STK32C: variants seen among roughly 807,000 people sequenced by gnomAD.
STK32C encodes the protein serine/threonine kinase 32C.
A neutral mutation model predicts 56.5 loss-of-function variants in STK32C; 31 were observed. That is an observed-to-expected ratio of 0.55 (90% CI 0.41 to 0.74). The LOEUF (loss-of-function observed/expected upper bound fraction) is 0.74, where lower values mean the gene tolerates loss of function less well. Among genes scored for constraint, STK32C ranks in the 30% least tolerant of loss-of-function variants. The probability of loss-of-function intolerance (pLI) is 0.00; values close to 1 mark genes in which losing one functional copy is unlikely to be tolerated. For missense variants in STK32C, 544 were observed against 676.9 expected, an observed-to-expected ratio of 0.80 and a Z score of 2.18; for synonymous variants, 309 against 289.4, an observed-to-expected ratio of 1.07 and a Z score of -0.69.
chr10:132,303,268 G>A (rs180743745), intron 1 of STK32C, among the ~76,000 whole-genome samples: 28 of 152,340 alleles, frequency 1.8e-4, no homozygotes, highest in Admixed American at 8.5e-4. Flanking sequence ...TCCGTCAAGC[G>A]ATACTCCCTA....
chr10:132,308,734 T>G (rs1438127727), upstream of STK32C, among the ~76,000 whole-genome samples: 2 of 152,164 alleles, frequency 1.3e-5, no homozygotes, highest in Non-Finnish European at 2.9e-5. Flanking sequence ...CAGGGTCCCC[T>G]TGTCCAGATG....
intron 2 of STK32C, among the ~76,000 whole-genome samples, chr10:132,238,228 A>C (rs2137842389): frequency 6.6e-6 from 1 of 152,300 alleles, no homozygotes; most frequent in Non-Finnish European, 1.5e-5. Context: ...CCCCACGGGA[A>C]GCTACACAGC....
chr10:132,260,885 C>A (rs1049061431), intron 1 of STK32C, among the ~76,000 whole-genome samples: 1 of 152,210 alleles, frequency 6.6e-6, no homozygotes, highest in Non-Finnish European at 1.5e-5. Context: ...GGACAGGCTG[C>A]GAGGTCAGCG....
At chr10:132,261,467 G>A (rs1294112398) in intron 1 of STK32C, among the ~76,000 whole-genome samples, 1 of 152,156 alleles carries the variant, frequency 6.6e-6, no homozygotes, top group Non-Finnish European at 1.5e-5. Flanking sequence ...ACAAAATACT[G>A]CGGATAGAAA....
intron 1 of STK32C, among the ~76,000 whole-genome samples, chr10:132,325,549 T>C (rs1325534440): frequency 7.1e-6 from 1 of 140,514 alleles, no homozygotes; most frequent in African/African-American, 2.5e-5. Flanking sequence ...CAAGAGTCCG[T>C]CTTAAAAAAA....
In STK32C at chr10:132,225,216, C is replaced by G. The variant is rs199811806; in HGVS notation, c.876+17G>C. 1,212 of 1,582,968 alleles carry G rather than the reference C, an allele frequency of 7.7e-4. 1 individual carries two copies. The highest frequency in any genetic ancestry group is 1.0e-3 in the Non-Finnish European group (1,179 of 1,162,580). ...GGGGCCTGGCAGCCAAGCCCAGGGG[C>G]TGCAGGGGGTCCATACCCATCCTCG... On this transcript the variant is annotated intron_variant, in intron 7 of 11. Transcript: ENST00000298630.
rs374529300 is a variant in STK32C at position 132,225,223 on chromosome 10, G to A, written c.876+10C>T. ...GGCAGCCAAGCCCAGGGGCTGCAGG[G>A]GGTCCATACCCATCCTCGCAGCAGC... is the stretch of plus-strand genomic sequence containing the variant. On this transcript the variant is annotated intron_variant, in intron 7 of 11. Transcript: ENST00000298630. The A allele has an allele frequency of 1.3e-5, 21 of 1,592,012 alleles. No individual in the cohort carries two copies. The African/African-American group carries it at 2.3e-4, about 17-fold the overall frequency.
chr10:132,231,881 G>A (rs1271717134), intron 2 of STK32C, among the ~76,000 whole-genome samples: 2 of 152,214 alleles, frequency 1.3e-5, no homozygotes, highest in Non-Finnish European at 2.9e-5. Context: ...AAGGCACAGC[G>A]GGTCCTCCCA....
intron 2 of STK32C, among the ~76,000 whole-genome samples, chr10:132,235,320 A>AC (rs2063241117): frequency 6.6e-6 from 1 of 151,698 alleles, no homozygotes; most frequent in East Asian, 1.9e-4. Flanking sequence ...ACATGGTAAA[A>AC]CCCCGTCTCT....
chr10:132,212,399 A>C (rs1270993906), intron 10 of STK32C, among the ~76,000 whole-genome samples: 1 of 152,214 alleles, frequency 6.6e-6, no homozygotes, highest in Non-Finnish European at 1.5e-5. Context: ...CCCTCACCTG[A>C]CATTGTTCAT....
chr10:132,232,509 C>G (rs925750459), intron 2 of STK32C, among the ~76,000 whole-genome samples: 5 of 152,104 alleles, frequency 3.3e-5, no homozygotes, highest in African/African-American at 1.2e-4. Context: ...TGGAAACCGG[C>G]GGCCTTTTAT....
chr10:132,304,807 G>A (rs1173839098), intron 1 of STK32C, among the ~76,000 whole-genome samples: 2 of 152,238 alleles, frequency 1.3e-5, no homozygotes, highest in Non-Finnish European at 2.9e-5. Flanking sequence ...CGGCGCCCAG[G>A]GCGGGCCGTC....
intron 1 of STK32C, among the ~76,000 whole-genome samples, chr10:132,313,440 C>T (rs569791127): frequency 6.6e-6 from 1 of 152,380 alleles, no homozygotes; most frequent in African/African-American, 2.4e-5. Context: ...GGCACTGCAG[C>T]AGACACTGCT....
chr10:132,326,571 C>G (rs1428070810), intron 1 of STK32C, among the ~76,000 whole-genome samples: 2 of 152,240 alleles, frequency 1.3e-5, no homozygotes, highest in Admixed American at 1.3e-4. Flanking sequence ...GATCTGCCTG[C>G]CTTGGCGTCC....
chr10:132,271,366 G>T (rs1195541159), intron 1 of STK32C, among the ~76,000 whole-genome samples: 1 of 152,232 alleles, frequency 6.6e-6, no homozygotes, highest in Non-Finnish European at 1.5e-5. Flanking sequence ...CCCAGGCAGA[G>T]AGCTGCAAGA....
rs67801075 is a variant in STK32C at position 132,276,785 on chromosome 10, CA to C, written c.262+30786del. Among the ~76,000 whole-genome samples, 184 of 142,892 alleles carry C rather than the reference CA, an allele frequency of 1.3e-3. 2 individuals are homozygous for C. Among genetic ancestry groups the C allele is most frequent in the African/African-American group, 2.9e-3 (111 of 38,594 alleles). The allele number at this position is 142,892 out of a possible 152,430, so 93.7% of individuals were successfully genotyped here. A position where few individuals can be genotyped will look rare whatever the true frequency, so the allele number is the denominator to read the frequency against. On this transcript the variant is annotated intron_variant, in intron 1 of 11. Coordinates refer to ENST00000298630, the MANE Select transcript of STK32C (RefSeq NM_173575.4). ...CTGGTGACAGAGCAAGACCCTGCCTCAAAAAAAAAAAAACCCAATGTATCTT... is the reference window on the plus strand; with the variant it reads ...CTGGTGACAGAGCAAGACCCTGCCTCAAAAAAAAAAAACCCAATGTATCTT...
At chr10:132,209,399 CT>C (rs1294300743) in intron 10 of STK32C, 1 of 629,908 alleles carries the variant, frequency 1.6e-6, no homozygotes. Context: ...CTCTGCGGGA[CT>C]TTGCTGGAAA....
intron 1 of STK32C, among the ~76,000 whole-genome samples, chr10:132,313,187 A>G (rs1304235956): frequency 1.3e-5 from 2 of 152,206 alleles, no homozygotes; most frequent in Non-Finnish European, 2.9e-5. Context: ...AGACCATAAG[A>G]CAAACGGAAT....
At chr10:132,209,216 C>T (rs113820490) in intron 10 of STK32C, 115 bp from the exon 11 acceptor site, 65 of 966,132 alleles carry the variant, frequency 6.7e-5, no homozygotes, top group African/African-American at 5.0e-4. Context: ...CTTTGGATGA[C>T]GGCCTCTGGG....
Sources: allele counts gnomAD v4.1 joint callset (sites outside exome capture counted in the v4.1 genomes callset), GRCh38; gene constraint gnomAD v4.1.1; transcripts MANE v1.5; gene names NCBI Gene and HGNC (gene_info 2026-07-23, HGNC 2026-07-21).